The following SAMD5 variants were observed in gnomAD, a reference collection of about 807,000 sequenced individuals.
The protein encoded by SAMD5 is sterile alpha motif domain containing 5, also known as sterile alpha motif domain-containing protein 5.
Under a neutral mutation model 11.3 loss-of-function variants are expected in SAMD5, and 13 were observed. The observed-to-expected ratio is 1.15, with a 90% CI of 0.75 to 1.83. The LOEUF is 1.83. Ranked by LOEUF, SAMD5 falls within the 40% of genes most tolerant of loss-of-function variation. SAMD5 has a pLI of 0.00. For synonymous variants in SAMD5, 129 were observed against 111.3 expected, an observed-to-expected ratio of 1.16 and a Z score of -1.00; for missense variants, 255 against 239.1, an observed-to-expected ratio of 1.07 and a Z score of -0.44.
the SAMD5 span, among the ~76,000 whole-genome samples, chr6:147,794,253 A>G: frequency 6.6e-6 from 1 of 152,336 alleles, no homozygotes; most frequent in Non-Finnish European, 1.5e-5. Flanking sequence ...GATTGTTGGG[A>G]GAGTTAAATT....
the SAMD5 span, among the ~76,000 whole-genome samples, chr6:147,915,366 T>C: frequency 2.7e-4 from 41 of 152,364 alleles, no homozygotes; most frequent in African/African-American, 9.4e-4. Context: ...GTGGACTTTG[T>C]TTTTGCCATT....
the SAMD5 span, among the ~76,000 whole-genome samples, chr6:147,779,497 CT>C: frequency 0.03 from 4,237 of 140,724 alleles, 54 homozygotes; most frequent in Middle Eastern, 0.057. Context: ...TGAAGTCATC[CT>C]TTTTTTTTTT....
chr6:147,622,361 A>G (rs895203350), intron 1 of SAMD5, among the ~76,000 whole-genome samples: 4 of 151,994 alleles, frequency 2.6e-5, no homozygotes, highest in African/African-American at 9.7e-5. Context: ...TTATTTTTCT[A>G]TTGTGGTTTT....
Position 147,567,702 on chromosome 6 carries a change from C to T in SAMD5, c.*3246C>T. ...ATTTCTTCTTATGCAGAAGAGATTA[C>T]CTTAAAGCTGACTAGAAAACTCAGA... On this transcript the variant is annotated 3_prime_UTR_variant, in exon 2 of 2. Coordinates refer to ENST00000367474, the MANE Select transcript of SAMD5 (RefSeq NM_001030060.3). 1 of 985,254 alleles carries T rather than the reference C, an allele frequency of 1.0e-6. No homozygotes were observed. Among genetic ancestry groups the T allele is most frequent in the Non-Finnish European group, 1.2e-6 (1 of 829,838 alleles). The allele number at this position is 985,254 out of a possible 1,614,324, so 61.0% of individuals were successfully genotyped here.
chr6:147,710,766 G>T (rs1354624681), intron 1 of SAMD5, among the ~76,000 whole-genome samples: 1 of 151,994 alleles, frequency 6.6e-6, no homozygotes, highest in Non-Finnish European at 1.5e-5. Context: ...TATATATGGG[G>T]TTCAGTACTC....
At chr6:147,557,534 C>G (rs1378162972) in intron 1 of SAMD5, among the ~76,000 whole-genome samples, 2 of 152,206 alleles carry the variant, frequency 1.3e-5, no homozygotes, top group Admixed American at 6.5e-5. Context: ...ACTCCACTCT[C>G]TGCTTCCACT....
chr6:147,947,258 C>A, the SAMD5 span, among the ~76,000 whole-genome samples: 1 of 152,114 alleles, frequency 6.6e-6, no homozygotes, highest in African/African-American at 2.4e-5. Flanking sequence ...AGAGTTTTTG[C>A]AACAACATGG....
chr6:147,687,037 T>TG (rs1326307949), intron 1 of SAMD5, among the ~76,000 whole-genome samples: 2 of 152,272 alleles, frequency 1.3e-5, no homozygotes, highest in East Asian at 3.9e-4. Context: ...AATAACATAC[T>TG]GGAATTTTTA....
chr6:147,679,762 T>C (rs538621792), intron 1 of SAMD5, among the ~76,000 whole-genome samples: 84 of 152,078 alleles, frequency 5.5e-4, no homozygotes, highest in African/African-American at 2.0e-3. Flanking sequence ...CTCCTGGAAG[T>C]TTTATTTTGA....
intron 1 of SAMD5, among the ~76,000 whole-genome samples, chr6:147,713,466 G>A (rs1180274486): frequency 6.6e-6 from 1 of 152,134 alleles, no homozygotes; most frequent in African/African-American, 2.4e-5. Flanking sequence ...ATCTTAGGAT[G>A]TTGCATTCTT....
downstream of SAMD5, among the ~76,000 whole-genome samples, chr6:147,738,918 A>C (rs1583159966): frequency 6.6e-6 from 1 of 152,068 alleles, no homozygotes; most frequent in South Asian, 2.1e-4. Context: ...CACACCACAC[A>C]CCCCCACCCA....
rs1263179382 is a variant in SAMD5 at position 147,711,967 on chromosome 6, AATGAGC to A, written c.163-25347_163-25342del. ...TATCTTCAGTACCTTGGGACAAAGA[AATGAGC>A]ATTTTCTTACAGAAATCCAAGAGAC... On this transcript the variant is annotated intron_variant, in intron 1 of 1. Coordinates refer to the SAMD5 transcript ENST00000566741. The surrounding 1 kb of genome is among the most constrained non-coding windows in gnomAD (Gnocchi z 4.1). Among the ~76,000 whole-genome samples the A allele has an allele frequency of 9.2e-5, 14 of 152,252 alleles. No individual in the cohort carries two copies. Among genetic ancestry groups the A allele is most frequent in the Non-Finnish European group, 1.5e-4 (10 of 68,046 alleles).
At position 147,568,192 on chromosome 6, in the gene SAMD5, G is replaced by A; in HGVS notation, c.*3736G>A. On this transcript the variant is annotated 3_prime_UTR_variant, in exon 2 of 2. Transcript: ENST00000367474. ...AAGAATCCAACCAAGATACAAAGCA[G>A]ATGATGGTGGATCGGCAAACTCTTT... 5.1e-6 allele frequency: 5 copies of A among 985,376 alleles called. No individual in the cohort carries two copies. Among genetic ancestry groups the A allele is most frequent in the Non-Finnish European group, 6.0e-6 (5 of 829,918 alleles). 61.0% of individuals were successfully genotyped at this position (985,376 alleles called of 1,614,324 possible). A position where few individuals can be genotyped will look rare whatever the true frequency, so the allele number is the denominator to read the frequency against.
intron 1 of SAMD5, among the ~76,000 whole-genome samples, chr6:147,678,193 G>T (rs73010167): frequency 6.6e-6 from 1 of 152,126 alleles, no homozygotes. Context: ...TAAAGCACAC[G>T]TACTCACTTA....
chr6:147,806,878 G>A, the SAMD5 span, among the ~76,000 whole-genome samples: 3 of 151,996 alleles, frequency 2.0e-5, no homozygotes, highest in Non-Finnish European at 4.4e-5. Flanking sequence ...CCTCATAATG[G>A]GATTAGTGGC....
chr6:147,806,332 A>T, the SAMD5 span, among the ~76,000 whole-genome samples: 1 of 151,912 alleles, frequency 6.6e-6, no homozygotes, highest in African/African-American at 2.4e-5. Flanking sequence ...ACACACACAC[A>T]CTCATTGTGA....
chr6:147,640,770 T>C (rs557117790), intron 1 of SAMD5, among the ~76,000 whole-genome samples: 1 of 152,258 alleles, frequency 6.6e-6, no homozygotes, highest in African/African-American at 2.4e-5. Context: ...GAAAAGCACC[T>C]AGAAAAGTTG....
At chr6:147,895,998 T>A in the SAMD5 span, among the ~76,000 whole-genome samples, 2 of 152,002 alleles carry the variant, frequency 1.3e-5, no homozygotes, top group Admixed American at 6.6e-5. Flanking sequence ...CAAGAGGGAG[T>A]GTGTTGCACG....
chr6:147,568,002 A>G lies in SAMD5; in HGVS notation c.*3546A>G. On this transcript the variant is annotated 3_prime_UTR_variant, in exon 2 of 2. Transcript: ENST00000367474. The stretch of plus-strand genomic sequence containing the variant: ...TCTGGGGAAATAGGCACATGGACAG[A>G]TTATATGAAGGTATTTCATTAGCTT... The G allele has an allele frequency of 1.0e-6, 1 of 985,482 alleles. No homozygotes were observed. The highest frequency in any genetic ancestry group is 6.1e-5 in the Admixed American group (1 of 16,284). The allele number at this position is 985,482 out of a possible 1,614,324, so 61.0% of individuals were successfully genotyped here.
Sources: gnomAD v4.1 joint callset for allele counts (sites outside exome capture counted in the v4.1 genomes callset) on GRCh38, gnomAD v4.1.1 for gene constraint, Gnocchi (gnomAD v3.1) non-coding constraint, MANE v1.5 for transcripts, NCBI Gene and HGNC (gene_info 2026-07-23, HGNC 2026-07-21) for gene names.